Variants in C17orf75 observed in about 807,000 individuals in gnomAD.
C17orf75 encodes protein Njmu-R1.
C17orf75 carries 32 observed loss-of-function variants against 49.6 expected under a neutral mutation model. That is an observed-to-expected ratio of 0.65 (90% CI 0.49 to 0.87). The LOEUF (loss-of-function observed/expected upper bound fraction) is 0.87, where lower values mean the gene tolerates loss of function less well. Ranked by LOEUF, C17orf75 falls within the 40% of genes least tolerant of loss-of-function variation. The probability of loss-of-function intolerance (pLI) is 0.00; values close to 1 mark genes in which losing one functional copy is unlikely to be tolerated. For missense variants in C17orf75, 428 were observed against 473.9 expected (o/e 0.90, Z 0.90); for synonymous variants, 158 against 159.5 (o/e 0.99, Z 0.07).
chr17:32,340,406 C>T (rs957995008), intron 2 of C17orf75, among the ~76,000 whole-genome samples: 1 of 151,606 alleles, frequency 6.6e-6, no homozygotes, highest in Non-Finnish European at 1.5e-5. Flanking sequence ...TTTGGGAGGC[C>T]GAGGCAGGTG....
intron 1 of C17orf75, chr17:32,341,752 A>G (rs1385683929): frequency 1.0e-6 from 1 of 993,404 alleles, no homozygotes; most frequent in Non-Finnish European, 1.2e-6. Context: ...AGAGGCTGGG[A>G]TGATATAGGG....
At chr17:32,338,921 T>C (rs1226842223) in intron 3 of C17orf75, among the ~76,000 whole-genome samples, 1 of 152,074 alleles carries the variant, frequency 6.6e-6, no homozygotes, top group East Asian at 1.9e-4. Flanking sequence ...TGAAACCCCA[T>C]CTCTACTAAA....
chr17:32,340,232 C>G (rs1203716856), intron 2 of C17orf75, among the ~76,000 whole-genome samples: 1 of 152,202 alleles, frequency 6.6e-6, no homozygotes, highest in Non-Finnish European at 1.5e-5. Context: ...TCTCATCTCA[C>G]TTCCCTCCTT....
In C17orf75 at chr17:32,328,702, A is replaced by C. The variant is rs2041251466; in HGVS notation, c.*3061T>G. 1 of 152,248 alleles carries C rather than the reference A, an allele frequency of 6.6e-6. No homozygotes were observed. Among genetic ancestry groups the C allele is most frequent in the South Asian group, 2.1e-4 (1 of 4,834 alleles). 9.4% of individuals were successfully genotyped at this position (152,248 alleles called of 1,614,324 possible). A position where few individuals can be genotyped will look rare whatever the true frequency, so the allele number is the denominator to read the frequency against. ...TGAGAAGATCGAGACCATCCTGGCT[A>C]ACACGGTGAAACCCCGTCTCTACTA... On this transcript the variant is annotated 3_prime_UTR_variant, in exon 10 of 10. Coordinates refer to ENST00000577809, the MANE Select transcript of C17orf75 (RefSeq NM_022344.4).
chr17:32,331,981 A>G lies in C17orf75; in HGVS notation c.976-3T>C. ...AAATTGTTTGTGTCTTGTATGGCCT[A>G]GAAAATGATTACCCAGTTAAAAATG... On this transcript the variant is annotated splice_polypyrimidine_tract_variant and splice_region_variant and intron_variant, in intron 9 of 9. Coordinates refer to ENST00000577809, the MANE Select transcript of C17orf75 (RefSeq NM_022344.4). 1 of 1,604,380 alleles carries G rather than the reference A, an allele frequency of 6.2e-7. No homozygotes were observed. Among genetic ancestry groups the G allele is most frequent in the African/African-American group, 1.3e-5 (1 of 74,688 alleles).
chr17:32,339,347 C>T (rs190178380), intron 3 of C17orf75, among the ~76,000 whole-genome samples: 8 of 150,524 alleles, frequency 5.3e-5, no homozygotes, highest in East Asian at 2.0e-4. Context: ...TAATAATCAA[C>T]ACTTTTCTTC....
At chr17:32,338,458 A>G in intron 3 of C17orf75, 107 bp from the exon 4 acceptor site, 1 of 1,097,890 alleles carries the variant, frequency 9.1e-7, no homozygotes, top group South Asian at 1.7e-5. Context: ...ACACCATTAA[A>G]CTGCCCACTA....
intron 6 of C17orf75, 143 bp from the exon 7 acceptor site, chr17:32,334,982 T>G (rs2041311957): frequency 1.4e-6 from 1 of 694,154 alleles, no homozygotes; most frequent in Admixed American, 3.2e-5. Context: ...AGAGCCTTGT[T>G]CAGCCACTGC....
At chr17:32,332,073 C>A in intron 9 of C17orf75, 95 bp from the exon 10 acceptor site, 1 of 999,306 alleles carries the variant, frequency 1.0e-6, no homozygotes, top group Non-Finnish European at 1.5e-6. Flanking sequence ...AACATATCTT[C>A]CTGAATTGTT....
chr17:32,338,191 A>G lies in C17orf75; in HGVS notation c.491+17T>C. The G allele has an allele frequency of 6.2e-7, 1 of 1,603,462 alleles. No individual in the cohort carries two copies. Among genetic ancestry groups the G allele is most frequent in the Non-Finnish European group, 8.5e-7 (1 of 1,177,616 alleles). ...TGTTTTCCTTCCTGATGTTCTCAAA[A>G]ACCAAAGAAAGGATATAGCTCAAGT... On this transcript the variant is annotated intron_variant, in intron 4 of 9. Transcript: ENST00000577809.
exon 1 of C17orf75, chr17:32,349,972 C>G (rs991554581): frequency 8.3e-7 from 1 of 1,199,338 alleles, no homozygotes; most frequent in Non-Finnish European, 1.1e-6. Context: ...CAAATGAAAC[C>G]CAAAGTGCTC....
upstream of C17orf75, among the ~76,000 whole-genome samples, chr17:32,346,270 A>C (rs905823562): frequency 6.6e-5 from 10 of 151,926 alleles, no homozygotes; most frequent in Non-Finnish European, 1.5e-4. Context: ...AAACACAAAA[A>C]TTAGCAAGGC....
rs1444278104 is a variant in C17orf75, at chr17:32,333,398, CA to C, written c.975+18del. ...GACAAAAATTTCATGTGGCACTTGGCACACAGCCAACTAATTACCTTTAGTT... is the reference window on the plus strand; with the variant it reads ...GACAAAAATTTCATGTGGCACTTGGCCACAGCCAACTAATTACCTTTAGTT... On this transcript the variant is annotated intron_variant, in intron 9 of 9. Transcript: ENST00000577809. 6.4e-7 allele frequency: 1 copy of C among 1,569,108 alleles called. No homozygotes were observed. The highest frequency in any genetic ancestry group is 8.7e-7 in the Non-Finnish European group (1 of 1,151,376).
At position 32,342,108 on chromosome 17, in the gene C17orf75, C is replaced by A; in HGVS notation, c.32G>T (p.Gly11Val). Reference sequence around the variant, plus strand: ...GCTGCTCTCTAGTTCCTTTTCATCTCCATCCATCGACTCCTGCAAAGAGGG... The same window carrying A: ...GCTGCTCTCTAGTTCCTTTTCATCTACATCCATCGACTCCTGCAAAGAGGG... MLPSLQESMD[G>V]DEKELESSEE... Residue 11 changes from glycine (G) to valine (V), a missense_variant, in exon 1 of 10, where the codon GGA (glycine) becomes GTA (valine). Transcript: ENST00000577809. 1 of 1,601,794 alleles carries A rather than the reference C, an allele frequency of 6.2e-7. No homozygotes were observed.
upstream of C17orf75, chr17:32,342,201 G>A: frequency 2.1e-6 from 3 of 1,448,334 alleles, no homozygotes; most frequent in Non-Finnish European, 2.7e-6. Flanking sequence ...CCGTGCAGCC[G>A]TCGGTATCAG....
rs1406114400 is a variant in C17orf75, at chr17:32,331,628, T to G, written c.*135A>C. ...CAGATTTTTATTTAAGTTAAATTGG[T>G]AAAATACAAAAAGAAAATCTGGATT... On this transcript the variant is annotated 3_prime_UTR_variant, in exon 10 of 10. Coordinates refer to ENST00000577809, the MANE Select transcript of C17orf75 (RefSeq NM_022344.4). The G allele has an allele frequency of 1.4e-6, 1 of 725,118 alleles. No individual in the cohort carries two copies. Among genetic ancestry groups the G allele is most frequent in the Non-Finnish European group, 2.2e-6 (1 of 444,774 alleles). The allele number at this position is 725,118 out of a possible 1,614,324, so 44.9% of individuals were successfully genotyped here.
At chr17:32,346,649 T>G (rs2041427827), upstream of C17orf75, among the ~76,000 whole-genome samples, 1 of 152,134 alleles carries the variant, frequency 6.6e-6, no homozygotes. Context: ...CTCGGCTCAC[T>G]GCAACCTCTG....
At chr17:32,333,197 T>C (rs2041293081) in intron 9 of C17orf75, among the ~76,000 whole-genome samples, 1 of 152,190 alleles carries the variant, frequency 6.6e-6, no homozygotes, top group Non-Finnish European at 1.5e-5. Flanking sequence ...AGACTGATGT[T>C]CCTTAAATAT....
Position 32,328,835 on chromosome 17 carries a change from A to AG in C17orf75, c.*2927dup, listed in dbSNP as rs1017658109. On this transcript the variant is annotated 3_prime_UTR_variant, in exon 10 of 10. Transcript: ENST00000577809. ...AACCTGGGAGGCAGAGGTTGCAGTG[A>AG]GCCAAGATTGCACCACCACACTCCA... The AG allele has an allele frequency of 6.6e-5, 10 of 152,062 alleles. No individual in the cohort carries two copies. The highest frequency in any genetic ancestry group is 2.4e-4 in the African/African-American group (10 of 41,424). 9.4% of individuals were successfully genotyped at this position (152,062 alleles called of 1,614,324 possible). A position where few individuals can be genotyped will look rare whatever the true frequency, so the allele number is the denominator to read the frequency against.
Sources: gnomAD v4.1 joint callset for allele counts (sites outside exome capture counted in the v4.1 genomes callset) on GRCh38, gnomAD v4.1.1 for gene constraint, MANE v1.5 for transcripts, NCBI Gene and HGNC (gene_info 2026-07-23, HGNC 2026-07-21) for gene names.